TPO: variants seen among roughly 807,000 people sequenced by gnomAD.
The protein encoded by TPO is thyroid peroxidase.
A neutral mutation model predicts 96.9 loss-of-function variants in TPO; 78 were observed. The ratio of observed to expected loss-of-function variants is 0.81; its 90% CI spans 0.67 to 0.97. The LOEUF (loss-of-function observed/expected upper bound fraction) is 0.97. Among genes scored for constraint, TPO ranks in the 50% least tolerant of loss-of-function variants. The pLI is 0.00. For missense variants in TPO, 1,252 were observed against 1,274.8 expected (o/e 0.98, Z 0.27); for synonymous variants, 547 against 538.0 (o/e 1.02, Z -0.23).
intron 1 of TPO, among the ~76,000 whole-genome samples, chr2:1,388,455 C>T (rs1661943284): frequency 6.6e-6 from 1 of 152,182 alleles, no homozygotes; most frequent in African/African-American, 2.4e-5. Flanking sequence ...AGTTGGATCT[C>T]AGACTGCTGT....
intron 16 of TPO, chr2:1,542,210 G>A (rs532386650): frequency 1.1e-4 from 70 of 662,176 alleles, no homozygotes; most frequent in Non-Finnish European, 1.5e-4. Flanking sequence ...CCTTTGCCAC[G>A]TGGATCCTCT....
chr2:1,426,683 A>T (rs555561866), intron 3 of TPO, among the ~76,000 whole-genome samples: 4 of 152,334 alleles, frequency 2.6e-5, no homozygotes, highest in Admixed American at 2.6e-4. Context: ...TTCTGTAAAG[A>T]CAGACACCTG....
intron 13 of TPO, chr2:1,503,708 G>A (rs2124998341): frequency 1.4e-6 from 1 of 723,176 alleles, no homozygotes; most frequent in Non-Finnish European, 2.5e-6. Flanking sequence ...GCCTGAGTGA[G>A]CCCCAGTGTG....
At chr2:1,442,430 TAGAC>T (rs1260985757) in intron 5 of TPO, among the ~76,000 whole-genome samples, 5 of 152,196 alleles carry the variant, frequency 3.3e-5, no homozygotes, top group Admixed American at 2.0e-4. Context: ...CATGCAATGT[TAGAC>T]AGTGTATTAC....
intron 14 of TPO, among the ~76,000 whole-genome samples, chr2:1,507,888 C>T (rs1238731285): frequency 6.6e-6 from 1 of 152,150 alleles, no homozygotes; most frequent in Non-Finnish European, 1.5e-5. Flanking sequence ...CTTTCTCCTG[C>T]CTGATTGCCC....
intron 5 of TPO, among the ~76,000 whole-genome samples, chr2:1,447,720 T>A (rs57514251): frequency 6.6e-6 from 1 of 151,998 alleles, no homozygotes; most frequent in African/African-American, 2.4e-5. Context: ...GAGGGGTGTG[T>A]GTGTATGTAT....
At chr2:1,512,676 T>C (rs1049544237) in intron 14 of TPO, among the ~76,000 whole-genome samples, 1 of 152,226 alleles carries the variant, frequency 6.6e-6, no homozygotes, top group African/African-American at 2.4e-5. Context: ...TGTACCTCCC[T>C]GACCTCCCTG....
At chr2:1,422,302 C>T (rs1041128862) in intron 2 of TPO, among the ~76,000 whole-genome samples, 11 of 60,014 alleles carry the variant, frequency 1.8e-4, no homozygotes, top group East Asian at 7.8e-4. Context: ...ACCCCGCAGG[C>T]GCCTCTCCTG....
chr2:1,491,435 G>C (rs1020914057), intron 10 of TPO, among the ~76,000 whole-genome samples: 27 of 152,156 alleles, frequency 1.8e-4, no homozygotes, highest in African/African-American at 6.5e-4. Flanking sequence ...TTGAAATTAA[G>C]ATTTCCATCT....
rs1210906872 is a variant in TPO, at chr2:1,493,904, A to G, written c.1871A>G (p.Asp624Gly). ...AGGAGCGTGGCCGACAAGATCCTGG[A>G]CTTGTACAAGCATCCTGACAACATC... is the stretch of plus-strand genomic sequence containing the variant. Reference protein sequence around the residue: ...ASRSVADKILDLYKHPDNIDV... With the variant: ...ASRSVADKILGLYKHPDNIDV... Residue 624 changes from aspartate to glycine, a missense_variant, in exon 11 of 17, where the codon GAC becomes GGC. Asp to Gly is a moderately conservative substitution (Grantham distance 94). Coordinates refer to ENST00000329066, the MANE Select transcript of TPO (RefSeq NM_001206744.2). 8.7e-6 allele frequency: 14 copies of G among 1,614,182 alleles called. No individual in the cohort carries two copies. Among genetic ancestry groups the G allele is most frequent in the South Asian group, 4.4e-5 (4 of 91,086 alleles).
At chr2:1,489,601 G>A (rs149212737) in intron 10 of TPO, among the ~76,000 whole-genome samples, 1 of 152,180 alleles carries the variant, frequency 6.6e-6, no homozygotes, top group African/African-American at 2.4e-5. Flanking sequence ...GTGATCACTA[G>A]CACCCAGAAC....
chr2:1,438,435 G>C (rs1330743272), intron 5 of TPO, among the ~76,000 whole-genome samples: 1 of 152,134 alleles, frequency 6.6e-6, no homozygotes, highest in Admixed American at 6.5e-5. Context: ...AGCTCCTTGG[G>C]TTCTAGGTTT....
At chr2:1,454,610 C>T (rs983972119) in intron 6 of TPO, among the ~76,000 whole-genome samples, 2 of 152,160 alleles carry the variant, frequency 1.3e-5, no homozygotes, top group African/African-American at 2.4e-5. Context: ...GCAGCAGGGA[C>T]AAGGCAATTG....
chr2:1,462,867 G>A (rs1042610366), intron 7 of TPO, among the ~76,000 whole-genome samples: 3 of 152,106 alleles, frequency 2.0e-5, no homozygotes, highest in African/African-American at 7.2e-5. Flanking sequence ...TTGATCACAG[G>A]CTATGAGCAT....
chr2:1,484,503 G>C, intron 8 of TPO, 93 bp from the exon 9 acceptor site: 1 of 1,540,474 alleles, frequency 6.5e-7, no homozygotes. Flanking sequence ...GTTCCCTGGG[G>C]CTGTCAAGGA....
chr2:1,441,732 C>G (rs946526718), intron 5 of TPO, among the ~76,000 whole-genome samples: 1 of 152,140 alleles, frequency 6.6e-6, no homozygotes, highest in Non-Finnish European at 1.5e-5. Flanking sequence ...TGCAGGTTGC[C>G]TTTGCTAGAA....
chr2:1,535,377 T>C (rs987836055), intron 15 of TPO, among the ~76,000 whole-genome samples: 14 of 11,650 alleles, frequency 1.2e-3, no homozygotes, highest in South Asian at 8.7e-3. Context: ...TGCAACCTCC[T>C]CAAATCTCCC....
intron 15 of TPO, among the ~76,000 whole-genome samples, chr2:1,524,496 C>CCCCCCA (rs1675966148): frequency 8.1e-6 from 1 of 123,656 alleles, no homozygotes; most frequent in Non-Finnish European, 1.7e-5. Flanking sequence ...CTCCTCAAAT[C>CCCCCCA]CTCCCACTGT....
chr2:1,506,086 T>A (rs1673429675), intron 14 of TPO, among the ~76,000 whole-genome samples: 1 of 151,926 alleles, frequency 6.6e-6, no homozygotes, highest in African/African-American at 2.4e-5. Context: ...CCTTCCTGTG[T>A]CCATGTGTTC....
Sources: allele counts gnomAD v4.1 joint callset (sites outside exome capture counted in the v4.1 genomes callset), GRCh38; gene constraint gnomAD v4.1.1; transcripts MANE v1.5; gene names NCBI Gene and HGNC (gene_info 2026-07-23, HGNC 2026-07-21).